PPP3CA: variants seen among roughly 807,000 people sequenced by gnomAD.
PPP3CA encodes the protein protein phosphatase 3 catalytic subunit alpha.
Under a neutral mutation model 66.5 loss-of-function variants are expected in PPP3CA, and 14 were observed. That is an observed-to-expected ratio of 0.21 (90% CI 0.14 to 0.33). The LOEUF (loss-of-function observed/expected upper bound fraction) is 0.33, where lower values mean the gene tolerates loss of function less well. Ranked by LOEUF, PPP3CA falls within the 10% of genes least tolerant of loss-of-function variation. The pLI, the probability that PPP3CA is intolerant of heterozygous loss-of-function variation, is 1.00. For missense variants in PPP3CA, 317 were observed against 639.5 expected (o/e 0.50, Z 5.44); for synonymous variants, 232 against 226.2 (o/e 1.03, Z -0.23).
chr4:101,282,562 A>T (rs1290298073), intron 1 of PPP3CA, among the ~76,000 whole-genome samples: 2 of 152,076 alleles, frequency 1.3e-5, no homozygotes, highest in Non-Finnish European at 2.9e-5. Flanking sequence ...TTTGACTCAC[A>T]CTCATTCTGG....
At chr4:101,303,805 G>A in intron 1 of PPP3CA, among the ~76,000 whole-genome samples, 1 of 152,062 alleles carries the variant, frequency 6.6e-6, no homozygotes, top group East Asian at 1.9e-4. Flanking sequence ...AGAAGCACTG[G>A]CAATTGGAAG....
intron 2 of PPP3CA, among the ~76,000 whole-genome samples, chr4:101,192,346 T>A (rs1345256396): frequency 6.6e-6 from 1 of 152,028 alleles, no homozygotes; most frequent in Admixed American, 6.6e-5. Flanking sequence ...CCCCACCTCT[T>A]CCTACTCATC....
intron 8 of PPP3CA, among the ~76,000 whole-genome samples, chr4:101,066,507 G>T (rs555784575): frequency 6.6e-6 from 1 of 152,142 alleles, no homozygotes; most frequent in South Asian, 2.1e-4. Flanking sequence ...GTTATAAATA[G>T]AATTTATTTT....
At chr4:101,215,701 G>C (rs1180923742) in intron 1 of PPP3CA, among the ~76,000 whole-genome samples, 1 of 151,992 alleles carries the variant, frequency 6.6e-6, no homozygotes, top group Non-Finnish European at 1.5e-5. Context: ...CTAACCTTCA[G>C]TTGTTTTCAT....
chr4:101,215,786 T>G (rs1725434143), intron 1 of PPP3CA, among the ~76,000 whole-genome samples: 1 of 152,156 alleles, frequency 6.6e-6, no homozygotes, highest in Admixed American at 6.5e-5. Context: ...ATTGCTGATA[T>G]AATTGTAAAT....
At chr4:101,337,233 A>G (rs1396286637) in intron 1 of PPP3CA, among the ~76,000 whole-genome samples, 4 of 152,174 alleles carry the variant, frequency 2.6e-5, no homozygotes, top group African/African-American at 9.7e-5. Context: ...ATGCTTCTAA[A>G]TATTTTCTCT....
intron 1 of PPP3CA, among the ~76,000 whole-genome samples, chr4:101,200,857 A>C (rs1374375227): frequency 6.6e-6 from 1 of 152,172 alleles, no homozygotes; most frequent in African/African-American, 2.4e-5. Flanking sequence ...CTAGCTAGCC[A>C]AACTAACACT....
intron 1 of PPP3CA, among the ~76,000 whole-genome samples, chr4:101,280,110 T>C (rs1333617596): frequency 6.6e-6 from 1 of 152,152 alleles, no homozygotes; most frequent in Non-Finnish European, 1.5e-5. Flanking sequence ...GCGAATAAAA[T>C]GGACAAAAGT....
At chr4:101,248,875 T>C (rs1726575698) in intron 1 of PPP3CA, among the ~76,000 whole-genome samples, 1 of 152,156 alleles carries the variant, frequency 6.6e-6, no homozygotes, top group Admixed American at 6.5e-5. Flanking sequence ...AAAAACAAAT[T>C]ACTGGCCGGG....
At chr4:101,339,076 C>A (rs1729726852) in intron 1 of PPP3CA, among the ~76,000 whole-genome samples, 1 of 152,128 alleles carries the variant, frequency 6.6e-6, no homozygotes, top group South Asian at 2.1e-4. Flanking sequence ...CTTTTCATAG[C>A]CCATGTATCT....
intron 5 of PPP3CA, among the ~76,000 whole-genome samples, chr4:101,095,612 C>T (rs577902409): frequency 6.6e-6 from 1 of 152,172 alleles, no homozygotes; most frequent in African/African-American, 2.4e-5. Flanking sequence ...TAAAAAAAAT[C>T]CATCAGATTA....
chr4:101,024,974 C>T lies in PPP3CA; in HGVS notation c.*891G>A, dbSNP rs1453305758. The T allele has an allele frequency of 1.3e-5, 2 of 148,294 alleles. No homozygotes were observed. Among genetic ancestry groups the T allele is most frequent in the Admixed American group, 6.7e-5 (1 of 14,906 alleles). The allele number at this position is 148,294 out of a possible 1,614,324, so 9.2% of individuals were successfully genotyped here. On this transcript the variant is annotated 3_prime_UTR_variant, in exon 14 of 14. Coordinates refer to ENST00000394854, the MANE Select transcript of PPP3CA (RefSeq NM_000944.5). ...TTTTTTTTTTTACAGAATATAGATGCTTTATCACTGTACTTAATATGGTGT... is the reference window on the plus strand; with the variant it reads ...TTTTTTTTTTTACAGAATATAGATGTTTTATCACTGTACTTAATATGGTGT...
intron 1 of PPP3CA, among the ~76,000 whole-genome samples, chr4:101,202,060 T>A (rs1724982421): frequency 6.6e-6 from 1 of 152,090 alleles, no homozygotes; most frequent in Non-Finnish European, 1.5e-5. Context: ...ACTGCAAAAC[T>A]AAAGAACAAG....
chr4:101,207,951 C>A (rs1256611071), intron 1 of PPP3CA, among the ~76,000 whole-genome samples: 2 of 152,082 alleles, frequency 1.3e-5, no homozygotes, highest in Admixed American at 1.3e-4. Flanking sequence ...CCCAAAGCAT[C>A]CAAAAAGCTT....
At chr4:101,299,301 T>A (rs1728301904) in intron 1 of PPP3CA, among the ~76,000 whole-genome samples, 1 of 151,690 alleles carries the variant, frequency 6.6e-6, no homozygotes, top group Non-Finnish European at 1.5e-5. Context: ...ACCCCATTAG[T>A]CCTGCAGTCC....
At chr4:101,091,670 G>C (rs933848924) in intron 6 of PPP3CA, among the ~76,000 whole-genome samples, 1 of 151,646 alleles carries the variant, frequency 6.6e-6, no homozygotes, top group Non-Finnish European at 1.5e-5. Flanking sequence ...TCAGATCAAC[G>C]TCCTATAGAA....
chr4:101,225,033 T>A (rs910879777), intron 1 of PPP3CA, among the ~76,000 whole-genome samples: 1 of 151,788 alleles, frequency 6.6e-6, no homozygotes, highest in Non-Finnish European at 1.5e-5. Flanking sequence ...GGATTTGATG[T>A]GGTTAGAACA....
chr4:101,252,162 A>T (rs1726697812), intron 1 of PPP3CA, among the ~76,000 whole-genome samples: 1 of 152,190 alleles, frequency 6.6e-6, no homozygotes, highest in Non-Finnish European at 1.5e-5. Flanking sequence ...GTACAATGAC[A>T]ATCAGTAATG....
chr4:101,220,601 T>C lies in PPP3CA; in HGVS notation c.59-24485A>G, dbSNP rs148245020. 1.7e-3 allele frequency among the ~76,000 whole-genome samples: 249 copies of C among 150,318 alleles called. 1 individual carries two copies. The highest frequency in any genetic ancestry group is 5.8e-3 in the African/African-American group (233 of 40,120). ...TGACACTAGGCAAACAGGTGTTTTT[T>C]GTTTGTTTGTTTTTCTTAATTATTC... On this transcript the variant is annotated intron_variant, in intron 1 of 13. Transcript: ENST00000394854.
Sources: allele counts gnomAD v4.1 joint callset (sites outside exome capture counted in the v4.1 genomes callset), GRCh38; gene constraint gnomAD v4.1.1; transcripts MANE v1.5; gene names NCBI Gene and HGNC (gene_info 2026-07-23, HGNC 2026-07-21).